Variants in FOXO3 observed in about 807,000 individuals in gnomAD.
FOXO3 encodes the protein forkhead box O3.
Under a neutral mutation model 41.9 loss-of-function variants are expected in FOXO3, and 4 were observed. That is an observed-to-expected ratio of 0.10 (90% confidence interval 0.05 to 0.22). The LOEUF (loss-of-function observed/expected upper bound fraction) is 0.22. Among genes scored for constraint, FOXO3 ranks in the 10% least tolerant of loss-of-function variants. The pLI, the probability that FOXO3 is intolerant of heterozygous loss-of-function variation, is 1.00. For missense variants in FOXO3, 534 were observed against 906.8 expected, an observed-to-expected ratio of 0.59 and a Z score of 5.28; for synonymous variants, 318 against 389.3, an observed-to-expected ratio of 0.82 and a Z score of 2.16.
At chr6:108,619,013 T>C (rs1441431449) in intron 1 of FOXO3, among the ~76,000 whole-genome samples, 1 of 152,212 alleles carries the variant, frequency 6.6e-6, no homozygotes, top group Non-Finnish European at 1.5e-5. Flanking sequence ...GTCTCATATG[T>C]TTCACTGTTC....
At chr6:108,636,109 T>C (rs1387414035) in intron 1 of FOXO3, among the ~76,000 whole-genome samples, 1 of 152,226 alleles carries the variant, frequency 6.6e-6, no homozygotes, top group East Asian at 1.9e-4. Context: ...GCTGGGTTCA[T>C]GGGCTGCTTC....
At chr6:108,667,305 C>G (rs901597913) in intron 2 of FOXO3, among the ~76,000 whole-genome samples, 2 of 152,138 alleles carry the variant, frequency 1.3e-5, no homozygotes, top group African/African-American at 2.4e-5. Flanking sequence ...CTTTAGAAGA[C>G]TAGTTTGTCT....
chr6:108,585,589 G>A (rs1776559962), intron 1 of FOXO3, among the ~76,000 whole-genome samples: 1 of 152,180 alleles, frequency 6.6e-6, no homozygotes, highest in Non-Finnish European at 1.5e-5. Flanking sequence ...CTCTTACTCA[G>A]CGCTTCAGCA....
chr6:108,560,124 G>GC (rs1775730175), upstream of FOXO3: 1 of 152,310 alleles, frequency 6.6e-6, no homozygotes, highest in African/African-American at 2.4e-5. Flanking sequence ...CGGTGTGCGC[G>GC]CCCCCCTTCT....
intron 1 of FOXO3, among the ~76,000 whole-genome samples, chr6:108,575,928 G>A (rs1308090502): frequency 7.2e-5 from 11 of 152,154 alleles, no homozygotes; most frequent in Non-Finnish European, 1.6e-4. Flanking sequence ...TAGATGAGGT[G>A]CATCATTTAT....
intron 1 of FOXO3, among the ~76,000 whole-genome samples, chr6:108,648,972 G>A (rs1316062777): frequency 2.7e-5 from 4 of 146,354 alleles, no homozygotes; most frequent in Non-Finnish European, 5.9e-5. Context: ...ACTCCAGTGC[G>A]TTCCAGCCTG....
At chr6:108,623,921 C>T (rs531405014) in intron 1 of FOXO3, among the ~76,000 whole-genome samples, 3 of 152,198 alleles carry the variant, frequency 2.0e-5, no homozygotes, top group Admixed American at 2.0e-4. Context: ...AAATGGACTT[C>T]GAAATGATTG....
chr6:108,636,869 C>G (rs1426845239), intron 1 of FOXO3, among the ~76,000 whole-genome samples: 1 of 152,090 alleles, frequency 6.6e-6, no homozygotes, highest in African/African-American at 2.4e-5. Context: ...GTTACAGGAC[C>G]CTGGCACCTG....
intron 1 of FOXO3, among the ~76,000 whole-genome samples, chr6:108,568,163 GACTGCACC>G (rs1322367922): frequency 1.3e-5 from 2 of 151,686 alleles, no homozygotes; most frequent in Non-Finnish European, 2.9e-5. Context: ...CAGTGAGCAC[GACTGCACC>G]ACTGCACTCC....
chr6:108,563,307 T>C (rs1038159573), intron 1 of FOXO3, among the ~76,000 whole-genome samples: 1 of 152,252 alleles, frequency 6.6e-6, no homozygotes, highest in East Asian at 1.9e-4. Flanking sequence ...AATCCACTAA[T>C]GTGTCTCATT....
chr6:108,632,581 C>CG (rs1217738432), intron 1 of FOXO3, among the ~76,000 whole-genome samples: 1 of 152,130 alleles, frequency 6.6e-6, no homozygotes, highest in African/African-American at 2.4e-5. Context: ...ATGGGACCTG[C>CG]GGAAATCCCT....
chr6:108,650,645 A>AT (rs1778523300), intron 1 of FOXO3, among the ~76,000 whole-genome samples: 1 of 152,220 alleles, frequency 6.6e-6, no homozygotes, highest in Non-Finnish European at 1.5e-5. Flanking sequence ...TCTCATGTGC[A>AT]TTCAGTCTGC....
chr6:108,598,099 G>T (rs1776939004), intron 1 of FOXO3, among the ~76,000 whole-genome samples: 1 of 152,186 alleles, frequency 6.6e-6, no homozygotes, highest in Admixed American at 6.5e-5. Flanking sequence ...CAGTGATTTA[G>T]TGGGTCATGT....
intron 1 of FOXO3, among the ~76,000 whole-genome samples, chr6:108,622,950 G>C (rs1047905821): frequency 2.0e-5 from 3 of 146,844 alleles, no homozygotes; most frequent in African/African-American, 7.5e-5. Flanking sequence ...AAAAAAAAAA[G>C]CTGGAAGAGT....
At chr6:108,665,672 A>T (rs1215533617) in intron 2 of FOXO3, among the ~76,000 whole-genome samples, 1 of 152,130 alleles carries the variant, frequency 6.6e-6, no homozygotes, top group Non-Finnish European at 1.5e-5. Context: ...AACTTAAAAA[A>T]TTAGCTGGGT....
chr6:108,623,877 C>A (rs1777739642), intron 1 of FOXO3, among the ~76,000 whole-genome samples: 2 of 152,134 alleles, frequency 1.3e-5, no homozygotes, highest in Admixed American at 6.5e-5. Context: ...CTAAGAAATA[C>A]AGAACAATCT....
intron 1 of FOXO3, among the ~76,000 whole-genome samples, chr6:108,608,347 T>G (rs1190939360): frequency 6.6e-6 from 1 of 152,206 alleles, no homozygotes; most frequent in African/African-American, 2.4e-5. Context: ...CTGGCCTATT[T>G]TCTGGTCTTA....
At chr6:108,625,215 A>G (rs1356156651) in intron 1 of FOXO3, among the ~76,000 whole-genome samples, 5 of 152,216 alleles carry the variant, frequency 3.3e-5, no homozygotes, top group Non-Finnish European at 7.3e-5. Context: ...ATGAATTAGC[A>G]TATACTTGCC....
At chr6:108,611,243 C>T (rs141086718) in intron 1 of FOXO3, among the ~76,000 whole-genome samples, 68 of 152,082 alleles carry the variant, frequency 4.5e-4, no homozygotes, top group African/African-American at 1.4e-3. Context: ...AGAAATATAC[C>T]GGAATATTTT....
Sources: gnomAD v4.1 joint callset for allele counts (sites outside exome capture counted in the v4.1 genomes callset) on GRCh38, gnomAD v4.1.1 for gene constraint, MANE v1.5 for transcripts, NCBI Gene and HGNC (gene_info 2026-07-23, HGNC 2026-07-21) for gene names.